Variants in SPON1 observed in about 807,000 individuals in gnomAD.
SPON1 encodes the protein spondin-1.
In SPON1, 52 loss-of-function variants were observed where a neutral mutation model predicts 111.7. The observed-to-expected ratio is 0.47, with a 90% CI of 0.37 to 0.59. The LOEUF (loss-of-function observed/expected upper bound fraction) is 0.59. Ranked by LOEUF, SPON1 falls within the 20% of genes least tolerant of loss-of-function variation. SPON1 has a pLI of 0.00. For synonymous variants in SPON1, 410 were observed against 395.8 expected, an observed-to-expected ratio of 1.04 and a Z score of -0.43; for missense variants, 957 against 1,068.5, an observed-to-expected ratio of 0.90 and a Z score of 1.46.
At chr11:14,212,984 T>G (rs970470383) in intron 6 of SPON1, among the ~76,000 whole-genome samples, 2 of 152,170 alleles carry the variant, frequency 1.3e-5, no homozygotes, top group Non-Finnish European at 2.9e-5. Context: ...GTCCTTATAT[T>G]CATAGTCAGT....
rs567165806 is a variant in SPON1 at position 14,084,142 on chromosome 11, TTTTAAC to T, written c.676+4127_676+4132del. Among the ~76,000 whole-genome samples, 45 of 152,308 alleles carry T rather than the reference TTTTAAC, an allele frequency of 3.0e-4. No individual in the cohort carries two copies. In the South Asian group the frequency reaches 4.6e-3, roughly 15 times the overall value. ...GTTTTTTCAAGGACATTCTTTTTTT[TTTTAAC>T]TTTAAGTTCTGGGATATGTGTGCAG... is the stretch of plus-strand genomic sequence containing the variant. On this transcript the variant is annotated intron_variant, in intron 5 of 15. Coordinates refer to ENST00000576479, the MANE Select transcript of SPON1 (RefSeq NM_006108.4).
At chr11:14,127,517 TA>T (rs1847474536) in intron 5 of SPON1, among the ~76,000 whole-genome samples, 1 of 152,154 alleles carries the variant, frequency 6.6e-6, no homozygotes, top group South Asian at 2.1e-4. Context: ...TATCCCTGGG[TA>T]TGTCCTACCA....
At chr11:14,157,581 G>A (rs1227181626) in intron 6 of SPON1, among the ~76,000 whole-genome samples, 1 of 151,962 alleles carries the variant, frequency 6.6e-6, no homozygotes. Flanking sequence ...TCTTTTGTCA[G>A]TTTTGGAAAA....
intron 6 of SPON1, among the ~76,000 whole-genome samples, chr11:14,239,914 T>C (rs1564938696): frequency 6.6e-6 from 1 of 152,062 alleles, no homozygotes; most frequent in African/African-American, 2.4e-5. Context: ...TTGCTGGGAG[T>C]AGAAATTAGT....
intron 2 of SPON1, among the ~76,000 whole-genome samples, chr11:14,015,254 A>T (rs1848436436): frequency 6.6e-6 from 1 of 152,224 alleles, no homozygotes; most frequent in Admixed American, 6.5e-5. Context: ...GAGAAGTACA[A>T]GATCTAGGTG....
At chr11:14,167,321 G>C (rs887830561) in intron 6 of SPON1, among the ~76,000 whole-genome samples, 1 of 152,008 alleles carries the variant, frequency 6.6e-6, no homozygotes, top group African/African-American at 2.4e-5. Context: ...TAAAACACTG[G>C]ATATCACAAA....
At chr11:14,131,657 TG>T (rs1368201043) in intron 5 of SPON1, among the ~76,000 whole-genome samples, 5 of 152,202 alleles carry the variant, frequency 3.3e-5, no homozygotes, top group Non-Finnish European at 7.3e-5. Flanking sequence ...TGTACAACTC[TG>T]GGAGATTCTC....
At chr11:14,165,406 C>A (rs1848017304) in intron 6 of SPON1, among the ~76,000 whole-genome samples, 1 of 152,136 alleles carries the variant, frequency 6.6e-6, no homozygotes, top group Non-Finnish European at 1.5e-5. Flanking sequence ...GAGTGACCCC[C>A]AAGGTGAGAA....
chr11:14,063,757 C>A (rs1554920114), intron 3 of SPON1, among the ~76,000 whole-genome samples: 1 of 152,226 alleles, frequency 6.6e-6, no homozygotes, highest in African/African-American at 2.4e-5. Flanking sequence ...TTGGTTTCAC[C>A]TCCTGGTGCT....
intron 3 of SPON1, among the ~76,000 whole-genome samples, chr11:14,050,738 T>C (rs1275118899): frequency 6.6e-6 from 1 of 152,174 alleles, no homozygotes; most frequent in Admixed American, 6.5e-5. Context: ...TTGACCCCAG[T>C]TGGGGCCTTT....
Position 14,265,517 on chromosome 11 carries a change from C to T in SPON1, c.2261-7C>T, listed in dbSNP as rs782703686. On this transcript the variant is annotated splice_region_variant and splice_polypyrimidine_tract_variant and intron_variant, in intron 15 of 15. Coordinates refer to ENST00000576479, the MANE Select transcript of SPON1 (RefSeq NM_006108.4). ...GCGGGCCTAACAAGGCATTCTCATG[C>T]TTTCAGGTTGTAGGATGCGCCCATG... 1.2e-6 allele frequency: 2 copies of T among 1,611,482 alleles called. No individual in the cohort carries two copies. Among genetic ancestry groups the T allele is most frequent in the Admixed American group, 3.3e-5 (2 of 59,706 alleles).
At chr11:14,076,832 G>A (rs1848921804) in intron 4 of SPON1, among the ~76,000 whole-genome samples, 1 of 152,204 alleles carries the variant, frequency 6.6e-6, no homozygotes, top group African/African-American at 2.4e-5. Context: ...TCCCAGAGGG[G>A]CTGGAGAGCT....
At chr11:14,046,543 T>G (rs1848669486) in intron 3 of SPON1, among the ~76,000 whole-genome samples, 1 of 152,210 alleles carries the variant, frequency 6.6e-6, no homozygotes. Context: ...AAATGCAAAA[T>G]TTTTATACAG....
intron 7 of SPON1, among the ~76,000 whole-genome samples, chr11:14,247,025 T>A (rs1457615726): frequency 6.6e-6 from 1 of 152,176 alleles, no homozygotes; most frequent in African/African-American, 2.4e-5. Context: ...AAGGCTTTGG[T>A]CTAACTAGAT....
intron 3 of SPON1, among the ~76,000 whole-genome samples, chr11:14,044,087 G>A (rs2133814965): frequency 6.8e-6 from 1 of 146,238 alleles, no homozygotes; most frequent in Non-Finnish European, 1.5e-5. Flanking sequence ...CAGGCCCTGG[G>A]GATATTAGGC....
At chr11:14,011,787 G>A (rs554466045) in intron 2 of SPON1, among the ~76,000 whole-genome samples, 3 of 152,298 alleles carry the variant, frequency 2.0e-5, no homozygotes, top group Non-Finnish European at 2.9e-5. Flanking sequence ...AAGAGGAGGA[G>A]TGTTGCTTGG....
At chr11:14,087,787 G>A (rs1315598242) in intron 5 of SPON1, among the ~76,000 whole-genome samples, 3 of 152,160 alleles carry the variant, frequency 2.0e-5, no homozygotes, top group African/African-American at 7.2e-5. Flanking sequence ...TCTCTTTGTA[G>A]GTCTCTAAGA....
chr11:14,089,642 C>A (rs1448918319), intron 5 of SPON1, among the ~76,000 whole-genome samples: 1 of 152,206 alleles, frequency 6.6e-6, no homozygotes, highest in African/African-American at 2.4e-5. Context: ...CAGCCTGTCC[C>A]TTAGCAGAGC....
At chr11:14,018,818 C>T (rs1166810701) in intron 2 of SPON1, among the ~76,000 whole-genome samples, 1 of 152,122 alleles carries the variant, frequency 6.6e-6, no homozygotes, top group African/African-American at 2.4e-5. Context: ...GTAGACCAGG[C>T]AAGTTCAGTG....
Sources: allele counts gnomAD v4.1 joint callset (sites outside exome capture counted in the v4.1 genomes callset), GRCh38; gene constraint gnomAD v4.1.1; transcripts MANE v1.5; gene names NCBI Gene and HGNC (gene_info 2026-07-23, HGNC 2026-07-21).